Variants in ANKFN1 observed in about 807,000 individuals in gnomAD.
ANKFN1 encodes the protein ankyrin repeat and fibronectin type III domain containing 1.
Under a neutral mutation model 108.7 loss-of-function variants are expected in ANKFN1, and 74 were observed. The ratio of observed to expected loss-of-function variants is 0.68; its 90% CI spans 0.56 to 0.83. The LOEUF is 0.83. Ranked by LOEUF, ANKFN1 falls within the 40% of genes least tolerant of loss-of-function variation. The pLI is 0.00. For missense variants in ANKFN1, 1,505 were observed against 1,382.3 expected (o/e 1.09, Z -1.41); for synonymous variants, 547 against 516.2 (o/e 1.06, Z -0.81).
At chr17:56,284,690 A>ACC (rs2044171438) in intron 3 of ANKFN1, among the ~76,000 whole-genome samples, 1 of 152,232 alleles carries the variant, frequency 6.6e-6, no homozygotes, top group African/African-American at 2.4e-5. Context: ...TTTGAAGGCC[A>ACC]CCGCACCATG....
chr17:56,354,074 A>T (rs759550864), intron 6 of ANKFN1, 28 bp downstream of exon 6: 2 of 1,606,090 alleles, frequency 1.2e-6, no homozygotes, highest in Non-Finnish European at 1.7e-6. Flanking sequence ...AAACACATGT[A>T]CTATTAAAGC....
Position 56,258,565 on chromosome 17 carries a change from G to T in ANKFN1, c.53+30608G>T, listed in dbSNP as rs1431870471. 2.0e-5 allele frequency among the ~76,000 whole-genome samples: 3 copies of T among 152,048 alleles called. No individual in the cohort carries two copies. In the East Asian group the frequency reaches 5.8e-4, roughly 29 times the overall value. On this transcript the variant is annotated intron_variant, in intron 3 of 20. Coordinates refer to ENST00000682825, the MANE Select transcript of ANKFN1 (RefSeq NM_001370326.1). The stretch of plus-strand genomic sequence containing the variant: ...GGCTGGTAGAGACGCAATACTTCAG[G>T]ATACATACAAATTAACTGGCCCACA...
chr17:56,133,242 C>A (rs1169633900), intron 4 of ANKFN1, among the ~76,000 whole-genome samples: 7 of 152,080 alleles, frequency 4.6e-5, no homozygotes, highest in Non-Finnish European at 1.0e-4. Context: ...CAAGAAATAG[C>A]CTTTCCTCAA....
chr17:56,480,907 G>A, intron 17 of ANKFN1, 89 bp downstream of exon 17: 1 of 1,332,592 alleles, frequency 7.5e-7, no homozygotes, highest in Non-Finnish European at 1.0e-6. Context: ...GTGTGTGTGT[G>A]TGTGTGTGTG....
At chr17:56,091,229 A>G (rs1001671231) in intron 4 of ANKFN1, among the ~76,000 whole-genome samples, 1 of 151,276 alleles carries the variant, frequency 6.6e-6, no homozygotes, top group African/African-American at 2.4e-5. Context: ...AAATGGTTCA[A>G]CAAAAATGAC....
intron 2 of ANKFN1, among the ~76,000 whole-genome samples, chr17:56,214,251 G>A (rs10491198): frequency 0.32 from 48,006 of 152,010 alleles, 8,993 homozygotes; most frequent in East Asian, 0.51. Context: ...AGTAGAAAAC[G>A]TTTAGAGGAA....
chr17:56,093,414 A>C (rs1905457132), intron 4 of ANKFN1, among the ~76,000 whole-genome samples: 1 of 150,962 alleles, frequency 6.6e-6, no homozygotes, highest in South Asian at 2.1e-4. Context: ...GTGGCTCCAG[A>C]GACACTGGCA....
intron 19 of ANKFN1, among the ~76,000 whole-genome samples, chr17:56,497,839 C>T (rs2051248966): frequency 6.6e-6 from 1 of 152,068 alleles, no homozygotes; most frequent in Admixed American, 6.5e-5. Context: ...ATGGCTTGCC[C>T]AAGTCATCGA....
At chr17:56,070,881 C>A (rs1462556581) in intron 4 of ANKFN1, among the ~76,000 whole-genome samples, 6 of 152,008 alleles carry the variant, frequency 3.9e-5, no homozygotes, top group Non-Finnish European at 8.8e-5. Context: ...ACTACAGGTG[C>A]ACACCACCAC....
At chr17:56,172,943 G>A (rs1037390251) in intron 1 of ANKFN1, among the ~76,000 whole-genome samples, 17 of 152,134 alleles carry the variant, frequency 1.1e-4, no homozygotes, top group Admixed American at 4.6e-4. Flanking sequence ...CTTAGCAAAC[G>A]TCATGCTGTG....
At chr17:56,174,219 C>T in intron 1 of ANKFN1, 1 of 985,546 alleles carries the variant, frequency 1.0e-6, no homozygotes, top group African/African-American at 1.7e-5. Flanking sequence ...AGGGTTCTCT[C>T]TTTGCCAGCA....
chr17:56,050,336 G>C (rs566438521), intron 4 of ANKFN1, among the ~76,000 whole-genome samples: 4 of 148,524 alleles, frequency 2.7e-5, no homozygotes, highest in Non-Finnish European at 4.4e-5. Context: ...CTCCCATTTT[G>C]TAGGTTGCCT....
intron 4 of ANKFN1, among the ~76,000 whole-genome samples, chr17:56,133,334 T>G (rs1339426683): frequency 6.6e-6 from 1 of 152,154 alleles, no homozygotes; most frequent in Non-Finnish European, 1.5e-5. Flanking sequence ...ACCCCCAAAG[T>G]AAACTAACCC....
intron 1 of ANKFN1, among the ~76,000 whole-genome samples, chr17:56,175,572 A>G (rs952184053): frequency 2.6e-5 from 4 of 152,206 alleles, no homozygotes; most frequent in African/African-American, 9.7e-5. Flanking sequence ...AGTCAGAGCC[A>G]GTGAGGCCAG....
chr17:56,090,785 T>A (rs545579800), intron 4 of ANKFN1, among the ~76,000 whole-genome samples: 3 of 150,874 alleles, frequency 2.0e-5, no homozygotes, highest in East Asian at 3.9e-4. Flanking sequence ...TTTAAAAAAA[T>A]TTTGTACAGA....
At chr17:56,303,431 C>T (rs2044728567) in intron 3 of ANKFN1, among the ~76,000 whole-genome samples, 1 of 152,116 alleles carries the variant, frequency 6.6e-6, no homozygotes, top group African/African-American at 2.4e-5. Flanking sequence ...ATCTGCTGCT[C>T]AACACCAAAT....
intron 16 of ANKFN1, among the ~76,000 whole-genome samples, chr17:56,479,579 T>C (rs2050623459): frequency 6.6e-6 from 1 of 152,234 alleles, no homozygotes; most frequent in South Asian, 2.1e-4. Flanking sequence ...ATAAAACAGA[T>C]ATCTTGAAAA....
In ANKFN1 at chr17:56,399,904, T is replaced by A. The variant is rs575877714; in HGVS notation, c.910+25190T>A. 3.4e-3 allele frequency among the ~76,000 whole-genome samples: 503 copies of A among 146,786 alleles called. 4 individuals carry two copies. Among genetic ancestry groups the A allele is most frequent in the Admixed American group, 6.9e-3 (101 of 14,582 alleles). ...CCTTTTTATGGCTGAGTATTCCATT[T>A]TATATATATATATTATATATAGTGA... On this transcript the variant is annotated intron_variant, in intron 8 of 20. Coordinates refer to ENST00000682825, the MANE Select transcript of ANKFN1 (RefSeq NM_001370326.1).
intron 4 of ANKFN1, among the ~76,000 whole-genome samples, chr17:56,066,818 C>T (rs1179348914): frequency 6.6e-6 from 1 of 152,146 alleles, no homozygotes; most frequent in Non-Finnish European, 1.5e-5. Flanking sequence ...TGAGTGGAAT[C>T]ATATTGTCTT....
Sources: allele counts gnomAD v4.1 joint callset (sites outside exome capture counted in the v4.1 genomes callset), GRCh38; gene constraint gnomAD v4.1.1; transcripts MANE v1.5; gene names NCBI Gene and HGNC (gene_info 2026-07-23, HGNC 2026-07-21).